The following SULT4A1 variants were observed in gnomAD, a reference collection of about 807,000 sequenced individuals.
SULT4A1 encodes the protein sulfotransferase 4A1.
SULT4A1 carries 11 observed loss-of-function variants against 35.2 expected under a neutral mutation model. The ratio of observed to expected loss-of-function variants is 0.31; its 90% CI spans 0.20 to 0.52. The LOEUF is 0.52. Among genes scored for constraint, SULT4A1 ranks in the 20% least tolerant of loss-of-function variants. The pLI, the probability that SULT4A1 is intolerant of heterozygous loss-of-function variation, is 0.97. For missense variants in SULT4A1, 271 were observed against 383.7 expected (o/e 0.71, Z 2.45); for synonymous variants, 152 against 151.8 (o/e 1.00, Z -0.01).
chr22:43,835,341 T>C (rs1363875840), intron 4 of SULT4A1, among the ~76,000 whole-genome samples: 1 of 152,190 alleles, frequency 6.6e-6, no homozygotes, highest in African/African-American at 2.4e-5. Flanking sequence ...GGGACCTCCA[T>C]ACGACAGAGA....
At chr22:43,856,578 C>T (rs978567591) in intron 1 of SULT4A1, among the ~76,000 whole-genome samples, 2 of 152,186 alleles carry the variant, frequency 1.3e-5, no homozygotes, top group African/African-American at 2.4e-5. Flanking sequence ...ACAGCAGAGT[C>T]GATCACTGGC....
At chr22:43,858,547 G>A (rs1320522472) in intron 1 of SULT4A1, among the ~76,000 whole-genome samples, 2 of 152,190 alleles carry the variant, frequency 1.3e-5, no homozygotes, top group Non-Finnish European at 2.9e-5. Flanking sequence ...AAAACCACAC[G>A]TTCCATTCTT....
At chr22:43,862,191 G>A in intron 1 of SULT4A1, 23 bp downstream of exon 1, 3 of 1,490,184 alleles carry the variant, frequency 2.0e-6, no homozygotes, top group Non-Finnish European at 8.9e-7. Context: ...TGGCGTGGCG[G>A]GCGCGGTCGG....
rs1434582612 is a variant in SULT4A1 at position 43,824,681 on chromosome 22, C to G, written c.*1320G>C. On this transcript the variant is annotated 3_prime_UTR_variant, in exon 7 of 7. Transcript: ENST00000330884. ...CTGCCGAGCCCACCATGCGATGCCACGTGCCACCTGCCTGGCCACGCTTCT... is the reference window on the plus strand; with the variant it reads ...CTGCCGAGCCCACCATGCGATGCCAGGTGCCACCTGCCTGGCCACGCTTCT... The G allele has an allele frequency of 6.6e-6, 1 of 152,314 alleles. No individual in the cohort carries two copies. The highest frequency in any genetic ancestry group is 2.4e-5 in the African/African-American group (1 of 41,418). 9.4% of individuals were successfully genotyped at this position (152,314 alleles called of 1,614,324 possible).
chr22:43,837,812 C>T (rs891481435), intron 4 of SULT4A1, among the ~76,000 whole-genome samples: 22 of 152,216 alleles, frequency 1.4e-4, no homozygotes, highest in African/African-American at 5.3e-4. Context: ...AACTCGAGGG[C>T]ATTACGTTCC....
At chr22:43,859,652 A>G (rs1487432379) in intron 1 of SULT4A1, among the ~76,000 whole-genome samples, 4 of 152,264 alleles carry the variant, frequency 2.6e-5, no homozygotes, top group African/African-American at 9.6e-5. Context: ...AAAGTCGGTC[A>G]TCAACAGAAA....
chr22:43,838,307 A>C lies in SULT4A1; in HGVS notation c.508+560T>G, dbSNP rs1250052088. ...TGGAAGCCAGAGAACAGCACATGGC[A>C]CTCTCGGCCCGGCTGTCCTCCTCCC... is the stretch of plus-strand genomic sequence containing the variant. On this transcript the variant is annotated intron_variant, in intron 4 of 6. Transcript: ENST00000330884. Among the ~76,000 whole-genome samples, 3 of 152,116 alleles carry C rather than the reference A, an allele frequency of 2.0e-5. No individual in the cohort carries two copies. The East Asian group carries it at 5.8e-4, about 29-fold the overall frequency.
rs199648468 is a variant in SULT4A1 at position 43,838,848 on chromosome 22, G to A, written c.508+19C>T. 19 of 1,613,242 alleles carry A rather than the reference G, an allele frequency of 1.2e-5. No homozygotes were observed. The South Asian group carries it at 1.5e-4, about 13-fold the overall frequency. On this transcript the variant is annotated intron_variant, in intron 4 of 6. Coordinates refer to ENST00000330884, the MANE Select transcript of SULT4A1 (RefSeq NM_014351.4). ...CAGACGGCTCCGGTTCTAACATGCC[G>A]CCAGGCTGCAACACTCACGCTTATC... is the stretch of plus-strand genomic sequence containing the variant.
intron 1 of SULT4A1, among the ~76,000 whole-genome samples, chr22:43,849,361 C>A (rs2063496307): frequency 6.6e-6 from 1 of 152,192 alleles, no homozygotes; most frequent in South Asian, 2.1e-4. Context: ...AGGCCTGATA[C>A]CAAGACCCAA....
rs5764336 is a variant in SULT4A1, at chr22:43,841,099, T to A, written c.300+703A>T. 3.2e-4 allele frequency among the ~76,000 whole-genome samples: 48 copies of A among 152,316 alleles called. No homozygotes were observed. The East Asian group carries it at 7.7e-3, about 25-fold the overall frequency. ...AACGCGGTGGCCCTCGGCACGGCAG[T>A]ACGGAACGACTCCCAGATGGTTCCG... is the stretch of plus-strand genomic sequence containing the variant. On this transcript the variant is annotated intron_variant, in intron 2 of 6. Coordinates refer to ENST00000330884, the MANE Select transcript of SULT4A1 (RefSeq NM_014351.4).
chr22:43,831,500 C>A (rs151167380), intron 5 of SULT4A1, among the ~76,000 whole-genome samples: 1 of 152,194 alleles, frequency 6.6e-6, no homozygotes, highest in South Asian at 2.1e-4. Context: ...TGACGTCCAC[C>A]AAGACTCCAG....
At chr22:43,833,491 C>CAA in intron 5 of SULT4A1, 149 bp downstream of exon 5, 1 of 265,394 alleles carries the variant, frequency 3.8e-6, no homozygotes. Context: ...AAGCCCCCTT[C>CAA]CAGCCCACAG....
intron 1 of SULT4A1, among the ~76,000 whole-genome samples, chr22:43,853,275 G>A (rs778996690): frequency 2.0e-5 from 3 of 152,184 alleles, no homozygotes; most frequent in Admixed American, 6.5e-5. Flanking sequence ...GTACTCACTT[G>A]CGGGCTAAAT....
In SULT4A1 at chr22:43,862,433, G is replaced by GCGCCCT. The variant is rs1230295261; in HGVS notation, c.-52_-51insAGGGCG. The GCGCCCT allele has an allele frequency of 8.4e-5, 42 of 501,178 alleles. No homozygotes were observed. The highest frequency in any genetic ancestry group is 1.0e-4 in the Non-Finnish European group (42 of 416,670). The allele number at this position is 501,178 out of a possible 1,614,324, so 31.0% of individuals were successfully genotyped here. A position where few individuals can be genotyped will look rare whatever the true frequency, so the allele number is the denominator to read the frequency against. ...CCGCCTCCCGGCTCGCAGCCCGCAC[G>GCGCCCT]CGCCCGCGCCCGCGCCCGCGCCCGC... On this transcript the variant is annotated 5_prime_UTR_variant, in exon 1 of 7. Transcript: ENST00000330884.
In SULT4A1 at chr22:43,829,105, G is replaced by C. The variant is rs1229779292; in HGVS notation, c.697C>G (p.Leu233Val). The change falls in exon 6 of 7, where the codon CTG becomes GTG. Residue 233 changes from leucine (L) to valine (V), a missense_variant. This residue lies in a region of SULT4A1 where 75 missense variants were observed against 67.7 expected (regional missense o/e 1.11). Transcript: ENST00000330884. ...LEALTEHCHQ[L>V]VDQCCNAEAL... ...TCAGCGTTGCAGCACTGGTCCACCA[G>C]CTGGTGGCAGTGCTCCGTCAGGGCT... 1 of 1,553,430 alleles carries C rather than the reference G, an allele frequency of 6.4e-7. No homozygotes were observed. Among genetic ancestry groups the C allele is most frequent in the Non-Finnish European group, 8.7e-7 (1 of 1,148,342 alleles).
chr22:43,854,716 A>C (rs754242159), intron 1 of SULT4A1, among the ~76,000 whole-genome samples: 2 of 152,122 alleles, frequency 1.3e-5, no homozygotes, highest in African/African-American at 2.4e-5. Context: ...CCTGCCCCCC[A>C]CACGCCAAAG....
intron 6 of SULT4A1, chr22:43,827,087 G>A: frequency 1.0e-6 from 1 of 985,460 alleles, no homozygotes; most frequent in South Asian, 4.7e-5. Flanking sequence ...GATGTCTGGG[G>A]CGGGGATTCC....
Position 43,862,336 on chromosome 22 carries a change from T to C in SULT4A1, c.47A>G (p.Glu16Gly). 6.5e-7 allele frequency: 1 copy of C among 1,549,090 alleles called. No homozygotes were observed. The highest frequency in any genetic ancestry group is 2.6e-5 in the East Asian group (1 of 37,820). The change falls in exon 1 of 7, where the codon GAG becomes GGG. Residue 16 changes from glutamate (E) to glycine (G), a missense_variant. Coordinates refer to ENST00000330884, the MANE Select transcript of SULT4A1 (RefSeq NM_014351.4). ...GCCATGGAACTCGAAGTACTTGCTC[T>C]CGAACTCCCCCGGGGTGCTGGGGGT... ...AETPSTPGEF[E>G]SKYFEFHGVR...
At position 43,828,911 on chromosome 22, in the gene SULT4A1, CAG is replaced by C. The variant is rs1212376488; in HGVS notation, c.742+147_742+148del. 57 of 869,636 alleles carry C rather than the reference CAG, an allele frequency of 6.6e-5. No individual in the cohort carries two copies. In the East Asian group the frequency reaches 1.4e-3, roughly 22 times the overall value. The allele number at this position is 869,636 out of a possible 1,614,324, so 53.9% of individuals were successfully genotyped here. A position where few individuals can be genotyped will look rare whatever the true frequency, so the allele number is the denominator to read the frequency against. ...TGTGCCATCCATGGGCACCAGCTAA[CAG>C]AGCACAGGCCATGGGCCAGCTACAG... On this transcript the variant is annotated intron_variant, in intron 6 of 6. Transcript: ENST00000330884.
Sources: allele counts gnomAD v4.1 joint callset (sites outside exome capture counted in the v4.1 genomes callset), GRCh38; gene constraint gnomAD v4.1.1; regional missense constraint gnomAD v4.1.1; transcripts MANE v1.5; gene names NCBI Gene and HGNC (gene_info 2026-07-23, HGNC 2026-07-21).